TBC1D16: variants seen among roughly 807,000 people sequenced by gnomAD.
The protein encoded by TBC1D16 is TBC1 domain family member 16.
In TBC1D16, 58 loss-of-function variants were observed where a neutral mutation model predicts 74.7. The ratio of observed to expected loss-of-function variants is 0.78; its 90% CI spans 0.63 to 0.97. TBC1D16 has a LOEUF of 0.97. TBC1D16 is among the 50% of genes least tolerant of loss of function. TBC1D16 has a pLI of 0.00. For missense variants in TBC1D16, 1,014 were observed against 1,079.5 expected (o/e 0.94, Z 0.85); for synonymous variants, 493 against 474.7 (o/e 1.04, Z -0.50).
intron 1 of TBC1D16, among the ~76,000 whole-genome samples, chr17:80,027,987 T>C (rs1174837655): frequency 6.6e-6 from 1 of 151,852 alleles, no homozygotes; most frequent in East Asian, 1.9e-4. Context: ...TTCACATTTG[T>C]ATTTTGAAAC....
In TBC1D16 at chr17:79,986,175, G is replaced by A. The variant is rs1253776123; in HGVS notation, c.779+23985C>T. Among the ~76,000 whole-genome samples, 1 of 152,180 alleles carries A rather than the reference G, an allele frequency of 6.6e-6. No individual in the cohort carries two copies. The highest frequency in any genetic ancestry group is 2.4e-5 in the African/African-American group (1 of 41,440). ...GAATCACTGCAGTGCCAATTTCCTC[G>A]TGGTCCCAAAGTGCGGGAGGGAGGG... On this transcript the variant is annotated intron_variant, in intron 3 of 11. Transcript: ENST00000310924. The surrounding 1 kb of genome is among the most constrained non-coding windows in gnomAD (Gnocchi z 6.0).
chr17:80,005,555 G>A (rs77538653), intron 3 of TBC1D16, among the ~76,000 whole-genome samples: 5 of 152,332 alleles, frequency 3.3e-5, no homozygotes, highest in East Asian at 1.9e-4. Context: ...GCTCACCCCC[G>A]GCTCGGGGAA....
At chr17:80,004,939 C>T (rs1395077194) in intron 3 of TBC1D16, among the ~76,000 whole-genome samples, 8 of 152,218 alleles carry the variant, frequency 5.3e-5, no homozygotes, top group African/African-American at 1.4e-4. Flanking sequence ...CCTCCCAAAG[C>T]GCTGGAATTA....
intron 1 of TBC1D16, 67 bp from the exon 2 acceptor site, chr17:80,013,676 G>A: frequency 9.9e-7 from 1 of 1,005,416 alleles, no homozygotes; most frequent in Non-Finnish European, 1.4e-6. Flanking sequence ...AGCAGTACGT[G>A]TCGCCTCGGC....
intron 1 of TBC1D16, among the ~76,000 whole-genome samples, chr17:80,016,675 G>A (rs1356010544): frequency 6.6e-6 from 1 of 152,128 alleles, no homozygotes; most frequent in Non-Finnish European, 1.5e-5. Flanking sequence ...CAGGAGGCAG[G>A]GGGCAGATGT....
At chr17:79,960,734 G>A (rs1251404375) in intron 3 of TBC1D16, among the ~76,000 whole-genome samples, 8 of 121,514 alleles carry the variant, frequency 6.6e-5, no homozygotes, top group African/African-American at 2.6e-4. Context: ...CAGCCCGAGC[G>A]ACAGAGTGAG....
intron 1 of TBC1D16, among the ~76,000 whole-genome samples, chr17:80,029,068 A>C (rs1195509762): frequency 6.6e-6 from 1 of 151,568 alleles, no homozygotes; most frequent in Non-Finnish European, 1.5e-5. Flanking sequence ...CTGTGCAGAA[A>C]CTCCTCCACC....
At chr17:80,014,787 A>G (rs1429342962) in intron 1 of TBC1D16, among the ~76,000 whole-genome samples, 4 of 152,126 alleles carry the variant, frequency 2.6e-5, no homozygotes, top group Non-Finnish European at 5.9e-5. Flanking sequence ...ACACCAGCAT[A>G]AGAAGAAAAA....
intron 2 of TBC1D16, among the ~76,000 whole-genome samples, chr17:80,011,168 G>A (rs1238030787): frequency 9.9e-5 from 15 of 150,846 alleles, no homozygotes; most frequent in Non-Finnish European, 1.5e-5. Flanking sequence ...CAGCTCCCGA[G>A]TAGCTGGGAC....
intron 3 of TBC1D16, among the ~76,000 whole-genome samples, chr17:80,006,691 C>T (rs2035692134): frequency 6.6e-6 from 1 of 151,686 alleles, no homozygotes; most frequent in South Asian, 2.1e-4. Context: ...CAGAGTATCT[C>T]TCTGTCACCC....
Position 80,026,470 on chromosome 17 carries a change from G to A in TBC1D16, c.-63+9325C>T, listed in dbSNP as rs1392502793. Among the ~76,000 whole-genome samples the A allele has an allele frequency of 4.0e-5, 6 of 149,608 alleles. No individual in the cohort carries two copies. In the East Asian group the frequency reaches 7.7e-4, roughly 19 times the overall value. On this transcript the variant is annotated intron_variant, in intron 1 of 11. Coordinates refer to ENST00000310924, the MANE Select transcript of TBC1D16 (RefSeq NM_019020.4). Reference sequence around the variant, plus strand: ...TTCTGGGGGAGGGGGGAATCTATTAGTTTAAAATAAAAAGAGGCTTGAGAT... The same window carrying A: ...TTCTGGGGGAGGGGGGAATCTATTAATTTAAAATAAAAAGAGGCTTGAGAT...
chr17:79,996,427 A>G (rs181862676), intron 3 of TBC1D16, among the ~76,000 whole-genome samples: 2 of 152,328 alleles, frequency 1.3e-5, no homozygotes, highest in East Asian at 1.9e-4. Context: ...TAAAACCACA[A>G]TGAGATGTCA....
chr17:79,945,415 T>G (rs1035180707), intron 9 of TBC1D16, among the ~76,000 whole-genome samples: 7 of 152,172 alleles, frequency 4.6e-5, no homozygotes, highest in African/African-American at 1.7e-4. Context: ...CAGTGCACAC[T>G]TGGGGGCTGT....
chr17:79,951,290 C>T (rs2143709725), intron 5 of TBC1D16, among the ~76,000 whole-genome samples, 160 bp downstream of exon 5: 1 of 152,306 alleles, frequency 6.6e-6, no homozygotes, highest in Admixed American at 6.5e-5. Context: ...AGGTTTCAAA[C>T]CCAAAGTTGC....
At chr17:80,006,400 G>A (rs980296312) in intron 3 of TBC1D16, among the ~76,000 whole-genome samples, 3 of 152,078 alleles carry the variant, frequency 2.0e-5, no homozygotes, top group Admixed American at 1.3e-4. Context: ...AGCTGCCCAG[G>A]GCATTCTCAT....
chr17:79,997,469 G>C (rs1355699105), intron 3 of TBC1D16, among the ~76,000 whole-genome samples: 1 of 152,084 alleles, frequency 6.6e-6, no homozygotes. Flanking sequence ...GGCACTGTTA[G>C]CCTAAACCGG....
chr17:79,942,028 C>T (rs1051664916), intron 11 of TBC1D16, 32 bp downstream of exon 11: 38 of 674,526 alleles, frequency 5.6e-5, no homozygotes, highest in African/African-American at 3.5e-4. Context: ...GGGGGCGGGG[C>T]GGGGTGGGGC....
chr17:80,012,813 C>T (rs1379958883), intron 2 of TBC1D16, among the ~76,000 whole-genome samples: 2 of 152,176 alleles, frequency 1.3e-5, no homozygotes, highest in Non-Finnish European at 2.9e-5. Context: ...AGCCAGGCTG[C>T]AGGACACTGG....
intron 8 of TBC1D16, among the ~76,000 whole-genome samples, chr17:79,948,217 A>G (rs1377666200): frequency 6.6e-6 from 1 of 151,378 alleles, no homozygotes; most frequent in Non-Finnish European, 1.5e-5. Context: ...GGAGGCTGAG[A>G]CTGGAGAATC....
Sources: allele counts gnomAD v4.1 joint callset (sites outside exome capture counted in the v4.1 genomes callset), GRCh38; gene constraint gnomAD v4.1.1; non-coding constraint Gnocchi (gnomAD v3.1); transcripts MANE v1.5; gene names NCBI Gene and HGNC (gene_info 2026-07-23, HGNC 2026-07-21).